Variants in CCND3 observed in about 807,000 individuals in gnomAD.
The protein encoded by CCND3 is cyclin D3, also known as G1/S-specific cyclin-D3.
Under a neutral mutation model 28.7 loss-of-function variants are expected in CCND3, and 9 were observed. The ratio of observed to expected loss-of-function variants is 0.31; its 90% CI spans 0.19 to 0.55. CCND3 has a LOEUF of 0.55. CCND3 is among the 20% of genes least tolerant of loss of function. The pLI, the probability that CCND3 is intolerant of heterozygous loss-of-function variation, is 0.93. For missense variants in CCND3, 315 were observed against 385.8 expected (o/e 0.82, Z 1.54); for synonymous variants, 164 against 163.9 (o/e 1.00, Z 0.00).
intron 1 of CCND3, among the ~76,000 whole-genome samples, chr6:42,035,033 A>G (rs767784417): frequency 6.6e-6 from 1 of 152,198 alleles, no homozygotes; most frequent in Non-Finnish European, 1.5e-5. Flanking sequence ...GGTAATGGCC[A>G]TCTTTTCCTC....
intron 1 of CCND3, among the ~76,000 whole-genome samples, chr6:41,997,929 G>T (rs1348466799): frequency 6.6e-6 from 1 of 151,576 alleles, no homozygotes; most frequent in African/African-American, 2.4e-5. Context: ...ATCACCTGAG[G>T]TCAGGAGTTC....
intron 1 of CCND3, among the ~76,000 whole-genome samples, chr6:41,964,540 GCA>G (rs751837694): frequency 2.0e-5 from 3 of 152,078 alleles, no homozygotes; most frequent in African/African-American, 4.8e-5. Context: ...GCATGCACAT[GCA>G]CACAGTCTTC....
intron 1 of CCND3, among the ~76,000 whole-genome samples, chr6:42,005,965 A>G (rs1041658140): frequency 6.6e-6 from 1 of 151,898 alleles, no homozygotes; most frequent in African/African-American, 2.4e-5. Flanking sequence ...TACGGGTATG[A>G]GCAACCGCGC....
Position 41,936,501 on chromosome 6 carries a change from CAG to C in CCND3, c.711+56_711+57del. On this transcript the variant is annotated intron_variant, in intron 4 of 4. Coordinates refer to ENST00000372991, the MANE Select transcript of CCND3 (RefSeq NM_001760.5). This position sits in a 1 kb window ranked among gnomAD's most constrained non-coding sequence, Gnocchi z 4.4. ...TGGAGGTTTCCCTCTACTGGAGGCTCAGGGCATAGCACTACTTTATGAATGGA... is the reference window on the plus strand; with the variant it reads ...TGGAGGTTTCCCTCTACTGGAGGCTCGGCATAGCACTACTTTATGAATGGA... The C allele has an allele frequency of 1.9e-6, 3 of 1,591,246 alleles. No homozygotes were observed. The highest frequency in any genetic ancestry group is 1.7e-6 in the Non-Finnish European group (2 of 1,164,728).
At chr6:41,995,750 G>A (rs1189012003) in intron 1 of CCND3, among the ~76,000 whole-genome samples, 5 of 151,754 alleles carry the variant, frequency 3.3e-5, no homozygotes, top group Non-Finnish European at 7.4e-5. Context: ...TAAAACACAC[G>A]AGAGATAAAA....
chr6:42,043,483 A>T (rs750648200), intron 1 of CCND3, among the ~76,000 whole-genome samples: 1 of 152,228 alleles, frequency 6.6e-6, no homozygotes, highest in African/African-American at 2.4e-5. Flanking sequence ...GTGGGCCAAG[A>T]TCGTGCCAAT....
At position 42,028,600 on chromosome 6, in the gene CCND3, C is replaced by A. The variant is rs576776994; in HGVS notation, c.-46+19901G>T. Among the ~76,000 whole-genome samples the A allele has an allele frequency of 4.6e-5, 7 of 152,334 alleles. No individual in the cohort carries two copies. The East Asian group carries it at 1.4e-3, about 29-fold the overall frequency. Reference sequence around the variant, plus strand: ...CTGCCCTCCGCCAGCAGCCTCCCTGCCACTGAAGGCTGAAGCTGTCCACAG... The same window carrying A: ...CTGCCCTCCGCCAGCAGCCTCCCTGACACTGAAGGCTGAAGCTGTCCACAG... On this transcript the variant is annotated intron_variant, in intron 1 of 4. Coordinates refer to the CCND3 transcript ENST00000372988.
At chr6:41,954,569 A>T (rs890709530) in intron 1 of CCND3, among the ~76,000 whole-genome samples, 53 of 124,062 alleles carry the variant, frequency 4.3e-4, no homozygotes, top group East Asian at 1.9e-3. Flanking sequence ...AAAAAAAAAA[A>T]TTTTGTTTAG....
chr6:41,946,470 G>A (rs139943373), upstream of CCND3, among the ~76,000 whole-genome samples: 1,039 of 151,080 alleles, frequency 6.9e-3, 11 homozygotes, highest in African/African-American at 0.022. Flanking sequence ...ACGCAGTGGC[G>A]CACGCCTGTA....
chr6:42,005,874 G>A (rs1382778707), intron 1 of CCND3, among the ~76,000 whole-genome samples: 1 of 151,872 alleles, frequency 6.6e-6, no homozygotes, highest in Non-Finnish European at 1.5e-5. Flanking sequence ...TAGTAGAGAC[G>A]GGGTTTCACC....
In CCND3 at chr6:41,954,250, TAAAAAAA is replaced by T. The variant is rs34556754; in HGVS notation, c.-45-13672_-45-13666del. The stretch of plus-strand genomic sequence containing the variant: ...TGGGGTACAGAGCAAGATTCTGCCT[TAAAAAAA>T]AAAAAAAAAAAAAAAAAAGGTGTGG... On this transcript the variant is annotated intron_variant, in intron 1 of 4. Transcript: ENST00000372988. Among the ~76,000 whole-genome samples the T allele has an allele frequency of 1.7e-3, 58 of 35,142 alleles. 1 individual carries two copies. Among genetic ancestry groups the T allele is most frequent in the South Asian group, 3.2e-3 (4 of 1,242 alleles). 23.1% of individuals were successfully genotyped at this position (35,142 alleles called of 152,430 possible).
At chr6:41,980,270 G>A (rs981692129) in intron 1 of CCND3, among the ~76,000 whole-genome samples, 2 of 151,900 alleles carry the variant, frequency 1.3e-5, no homozygotes, top group African/African-American at 4.8e-5. Context: ...TGAATAGCTG[G>A]GACTACAGGC....
chr6:41,941,283 A>G lies in CCND3; in HGVS notation c.198+169T>C. On this transcript the variant is annotated intron_variant, in intron 1 of 4. Transcript: ENST00000372991. This position sits in a 1 kb window ranked among gnomAD's most constrained non-coding sequence, Gnocchi z 6.1. ...GGGAGGAGCCGATTAGGGCTCGGGA[A>G]AGCAAGGGAGGCAGCTGGCGTGGGT... 1.4e-6 allele frequency: 2 copies of G among 1,442,108 alleles called. No homozygotes were observed. The highest frequency in any genetic ancestry group is 1.8e-6 in the Non-Finnish European group (2 of 1,100,890). 89.3% of individuals were successfully genotyped at this position (1,442,108 alleles called of 1,614,324 possible).
intron 1 of CCND3, among the ~76,000 whole-genome samples, chr6:41,979,647 A>C (rs867144083): frequency 9.3e-5 from 4 of 42,904 alleles, no homozygotes; most frequent in African/African-American, 2.9e-4. Context: ...CTCTCTCTAT[A>C]TATATATATG....
chr6:42,041,036 T>C (rs1764358189), intron 1 of CCND3, among the ~76,000 whole-genome samples: 1 of 152,184 alleles, frequency 6.6e-6, no homozygotes, highest in Non-Finnish European at 1.5e-5. Context: ...TGTGTAAAGA[T>C]GCACTATTAT....
chr6:41,963,438 C>T (rs1761774207), intron 1 of CCND3, among the ~76,000 whole-genome samples: 1 of 152,220 alleles, frequency 6.6e-6, no homozygotes, highest in Non-Finnish European at 1.5e-5. Flanking sequence ...CTCAGCTTTA[C>T]ATAAGGAAAA....
intron 1 of CCND3, among the ~76,000 whole-genome samples, chr6:42,037,808 G>A (rs1197963994): frequency 6.6e-6 from 1 of 151,580 alleles, no homozygotes; most frequent in Non-Finnish European, 1.5e-5. Flanking sequence ...CGAGGCGGAC[G>A]GATCATGAGG....
upstream of CCND3, among the ~76,000 whole-genome samples, chr6:41,945,748 G>A (rs1776151229): frequency 1.3e-5 from 2 of 152,286 alleles, no homozygotes; most frequent in East Asian, 3.9e-4. Context: ...AGAATTACTG[G>A]AACCTCTCTG....
chr6:41,978,946 C>T (rs1237321051), intron 1 of CCND3, among the ~76,000 whole-genome samples: 3 of 150,256 alleles, frequency 2.0e-5, no homozygotes, highest in Non-Finnish European at 3.0e-5. Context: ...GGGAGGTAGG[C>T]GGATTACCTG....
Sources: allele counts gnomAD v4.1 joint callset (sites outside exome capture counted in the v4.1 genomes callset), GRCh38; gene constraint gnomAD v4.1.1; non-coding constraint Gnocchi (gnomAD v3.1); transcripts MANE v1.5; gene names NCBI Gene and HGNC (gene_info 2026-07-23, HGNC 2026-07-21).